The following PTPRD variants were observed in gnomAD, a reference collection of about 807,000 sequenced individuals.
PTPRD encodes protein tyrosine phosphatase receptor type D, also known as receptor-type tyrosine-protein phosphatase delta.
A neutral mutation model predicts 214.5 loss-of-function variants in PTPRD; 34 were observed. The observed-to-expected ratio is 0.16, with a 90% CI of 0.12 to 0.21. The LOEUF is 0.21. Ranked by LOEUF, PTPRD falls within the 10% of genes least tolerant of loss-of-function variation. The pLI, the probability that PTPRD is intolerant of heterozygous loss-of-function variation, is 1.00. For missense variants in PTPRD, 2,545 were observed against 2,398.7 expected (o/e 1.06, Z -1.27); for synonymous variants, 1,128 against 845.7 (o/e 1.33, Z -5.79).
intron 9 of PTPRD, among the ~76,000 whole-genome samples, chr9:9,320,297 G>A (rs1222638210): frequency 1.3e-5 from 2 of 151,776 alleles, no homozygotes; most frequent in Non-Finnish European, 2.9e-5. Context: ...TAGACAATAC[G>A]GAGAAGAAGG....
chr9:9,896,199 A>C (rs985822017), intron 5 of PTPRD, among the ~76,000 whole-genome samples: 5 of 152,080 alleles, frequency 3.3e-5, no homozygotes, highest in Non-Finnish European at 7.4e-5. Flanking sequence ...AAGTCTTATT[A>C]AAAGCACATA....
chr9:10,018,838 C>T (rs1055331121), intron 4 of PTPRD, among the ~76,000 whole-genome samples: 5 of 151,920 alleles, frequency 3.3e-5, no homozygotes, highest in Non-Finnish European at 7.4e-5. Flanking sequence ...CGTGAGCCAC[C>T]GCGCCCGGCC....
intron 3 of PTPRD, among the ~76,000 whole-genome samples, chr9:10,121,314 G>C (rs554753638): frequency 2.6e-5 from 4 of 152,254 alleles, no homozygotes; most frequent in African/African-American, 9.6e-5. Flanking sequence ...AAGTTTTTTA[G>C]AGTTGGCTTT....
chr9:8,746,215 G>A (rs578103460), intron 11 of PTPRD, among the ~76,000 whole-genome samples: 8 of 152,240 alleles, frequency 5.3e-5, no homozygotes, highest in Admixed American at 2.0e-4. Flanking sequence ...TTATCTCAGT[G>A]GAGAGACAAC....
chr9:10,253,297 G>T (rs144306397), intron 3 of PTPRD, among the ~76,000 whole-genome samples: 1 of 152,094 alleles, frequency 6.6e-6, no homozygotes, highest in Non-Finnish European at 1.5e-5. Context: ...TCTTCCTAAG[G>T]CCAAGAGAAG....
chr9:10,384,435 T>C (rs1168257127), intron 2 of PTPRD, among the ~76,000 whole-genome samples: 1 of 151,712 alleles, frequency 6.6e-6, no homozygotes, highest in Non-Finnish European at 1.5e-5. Context: ...TCAAAAATAA[T>C]AAAAAATGTT....
At chr9:9,856,428 T>C (rs371595553) in intron 5 of PTPRD, among the ~76,000 whole-genome samples, 2 of 152,252 alleles carry the variant, frequency 1.3e-5, no homozygotes, top group East Asian at 1.9e-4. Context: ...AGAATTTCTC[T>C]TCCTCCTGTC....
At chr9:10,411,722 C>A (rs2098437947) in intron 2 of PTPRD, among the ~76,000 whole-genome samples, 1 of 151,570 alleles carries the variant, frequency 6.6e-6, no homozygotes. Flanking sequence ...CTTTAATATA[C>A]CCTATATTAG....
At chr9:9,924,066 G>C (rs927528518) in intron 5 of PTPRD, among the ~76,000 whole-genome samples, 1 of 151,914 alleles carries the variant, frequency 6.6e-6, no homozygotes, top group Non-Finnish European at 1.5e-5. Flanking sequence ...AATATATTGT[G>C]CTAAAAATGT....
intron 2 of PTPRD, among the ~76,000 whole-genome samples, chr9:10,599,700 A>G (rs1204191996): frequency 6.6e-6 from 1 of 151,802 alleles, no homozygotes; most frequent in East Asian, 1.9e-4. Context: ...CTTAATCAGA[A>G]AACTCAATTT....
At chr9:8,902,092 G>C (rs1041590542) in intron 11 of PTPRD, among the ~76,000 whole-genome samples, 1 of 151,932 alleles carries the variant, frequency 6.6e-6, no homozygotes, top group Non-Finnish European at 1.5e-5. Flanking sequence ...TTATTTATGA[G>C]TCTATTACTG....
At chr9:9,904,449 G>A (rs1442448556) in intron 5 of PTPRD, among the ~76,000 whole-genome samples, 2 of 152,050 alleles carry the variant, frequency 1.3e-5, no homozygotes, top group African/African-American at 4.8e-5. Context: ...ATTTTAAAGT[G>A]TATTCACTTT....
chr9:8,567,836 G>C (rs759431113), intron 14 of PTPRD, among the ~76,000 whole-genome samples: 1 of 152,042 alleles, frequency 6.6e-6, no homozygotes, highest in Non-Finnish European at 1.5e-5. Flanking sequence ...TTTATTCATG[G>C]AATCAGGATC....
chr9:10,395,041 C>A lies in PTPRD; in HGVS notation c.-599-54024G>T, dbSNP rs183624211. On this transcript the variant is annotated intron_variant, in intron 2 of 45. Transcript: ENST00000381196. ...TATCAATAAACGTGTGCTCTCCTAC[C>A]GCTTGGTAAATGCTGAGAAATGTCT... Among the ~76,000 whole-genome samples, 511 of 150,386 alleles carry A rather than the reference C, an allele frequency of 3.4e-3. 2 individuals carry two copies. Among genetic ancestry groups the A allele is most frequent in the African/African-American group, 0.012 (489 of 40,946 alleles).
chr9:8,542,418 G>A (rs2078710604), intron 14 of PTPRD, among the ~76,000 whole-genome samples: 1 of 152,186 alleles, frequency 6.6e-6, no homozygotes, highest in South Asian at 2.1e-4. Context: ...ATAGGGAGAA[G>A]TGGAAAAAGT....
chr9:10,270,258 G>A (rs923414666), intron 3 of PTPRD, among the ~76,000 whole-genome samples: 3 of 151,978 alleles, frequency 2.0e-5, no homozygotes, highest in African/African-American at 7.2e-5. Flanking sequence ...TTTAAGAATG[G>A]TAGCAATAGT....
intron 11 of PTPRD, among the ~76,000 whole-genome samples, chr9:8,792,431 T>A (rs1240895022): frequency 1.3e-5 from 2 of 152,202 alleles, no homozygotes; most frequent in East Asian, 3.9e-4. Context: ...TACTAACGGC[T>A]ACCTTAGCTG....
chr9:10,299,762 A>C (rs2095803415), intron 3 of PTPRD, among the ~76,000 whole-genome samples: 1 of 152,150 alleles, frequency 6.6e-6, no homozygotes, highest in African/African-American at 2.4e-5. Context: ...ACAGTCAAGC[A>C]AACTAAATAT....
chr9:9,219,489 A>C (rs1289644466), intron 9 of PTPRD, among the ~76,000 whole-genome samples: 2 of 152,134 alleles, frequency 1.3e-5, no homozygotes, highest in African/African-American at 2.4e-5. Flanking sequence ...TAAAAGCCAA[A>C]TTCCTTAAAG....
Sources: gnomAD v4.1 joint callset for allele counts (sites outside exome capture counted in the v4.1 genomes callset) on GRCh38, gnomAD v4.1.1 for gene constraint, MANE v1.5 for transcripts, NCBI Gene and HGNC (gene_info 2026-07-23, HGNC 2026-07-21) for gene names.